The following BMPR1B variants were observed in gnomAD, a reference collection of about 807,000 sequenced individuals.
BMPR1B encodes bone morphogenetic protein receptor type 1B, also known as bone morphogenetic protein receptor type-1B.
Under a neutral mutation model 59.1 loss-of-function variants are expected in BMPR1B, and 12 were observed. The ratio of observed to expected loss-of-function variants is 0.20; its 90% CI spans 0.13 to 0.33. The LOEUF (loss-of-function observed/expected upper bound fraction) is 0.33. BMPR1B is among the 10% of genes least tolerant of loss of function. The pLI, the probability that BMPR1B is intolerant of heterozygous loss-of-function variation, is 1.00. For missense variants in BMPR1B, 550 were observed against 610.9 expected (o/e 0.90, Z 1.05); for synonymous variants, 237 against 207.3 (o/e 1.14, Z -1.23).
At chr4:95,016,742 C>G (rs997445516) in intron 3 of BMPR1B, among the ~76,000 whole-genome samples, 7 of 151,996 alleles carry the variant, frequency 4.6e-5, no homozygotes, top group Non-Finnish European at 8.8e-5. Context: ...GACCATATGT[C>G]AAGATATTTA....
At chr4:94,785,664 A>G (rs1224226702) in intron 1 of BMPR1B, among the ~76,000 whole-genome samples, 4 of 152,184 alleles carry the variant, frequency 2.6e-5, no homozygotes, top group African/African-American at 4.8e-5. Context: ...AATTTCTTTA[A>G]GGGAGATCTC....
At chr4:94,973,554 C>A (rs376366424) in intron 2 of BMPR1B, among the ~76,000 whole-genome samples, 22 of 152,258 alleles carry the variant, frequency 1.4e-4, no homozygotes, top group Admixed American at 3.9e-4. Flanking sequence ...TACCATAGTC[C>A]TATCTACTGG....
At chr4:95,063,067 A>G (rs1396852570) in intron 3 of BMPR1B, among the ~76,000 whole-genome samples, 2 of 152,148 alleles carry the variant, frequency 1.3e-5, no homozygotes, top group African/African-American at 2.4e-5. Context: ...AGAATGGTTT[A>G]CTTTTTAGTC....
intron 1 of BMPR1B, among the ~76,000 whole-genome samples, chr4:94,852,749 ATAAAG>A (rs946704644): frequency 1.5e-4 from 23 of 152,250 alleles, no homozygotes; most frequent in Non-Finnish European, 2.8e-4. Context: ...TAGACTATAT[ATAAAG>A]TAATTTTATA....
At chr4:95,057,805 G>A (rs565804077) in intron 3 of BMPR1B, among the ~76,000 whole-genome samples, 1 of 152,056 alleles carries the variant, frequency 6.6e-6, no homozygotes, top group East Asian at 1.9e-4. Context: ...ATATTGGCTA[G>A]CAAATGAGTT....
At chr4:94,897,925 C>A (rs1381018029) in intron 2 of BMPR1B, among the ~76,000 whole-genome samples, 1 of 146,514 alleles carries the variant, frequency 6.8e-6, no homozygotes, top group Non-Finnish European at 1.5e-5. Flanking sequence ...TTGATAATTA[C>A]TGACAAATTC....
At chr4:95,040,618 C>T (rs932158132) in intron 3 of BMPR1B, among the ~76,000 whole-genome samples, 1 of 152,142 alleles carries the variant, frequency 6.6e-6, no homozygotes, top group African/African-American at 2.4e-5. Flanking sequence ...GAGCTTCTGG[C>T]AAGTCAGGTT....
intron 6 of BMPR1B, among the ~76,000 whole-genome samples, chr4:95,121,578 T>C (rs936571413): frequency 1.3e-5 from 2 of 152,144 alleles, no homozygotes; most frequent in Non-Finnish European, 2.9e-5. Context: ...TGAATGCAAA[T>C]GTATGTATGC....
intron 6 of BMPR1B, among the ~76,000 whole-genome samples, chr4:95,123,081 C>A (rs1414749567): frequency 6.6e-6 from 1 of 152,032 alleles, no homozygotes; most frequent in African/African-American, 2.4e-5. Context: ...AGTGAATATA[C>A]ATTGTATAAA....
intron 3 of BMPR1B, among the ~76,000 whole-genome samples, chr4:95,056,066 CA>C (rs1345905856): frequency 1.3e-5 from 2 of 152,130 alleles, no homozygotes; most frequent in Non-Finnish European, 2.9e-5. Flanking sequence ...AGAATTTGAA[CA>C]AATCCTCAAA....
At chr4:94,947,469 ACG>A (rs1283515232) in intron 2 of BMPR1B, among the ~76,000 whole-genome samples, 1 of 152,178 alleles carries the variant, frequency 6.6e-6, no homozygotes, top group African/African-American at 2.4e-5. Flanking sequence ...CCAGATGCCC[ACG>A]CCTTTGAGCT....
At chr4:94,814,683 A>G (rs1418213642) in intron 1 of BMPR1B, among the ~76,000 whole-genome samples, 3 of 152,212 alleles carry the variant, frequency 2.0e-5, no homozygotes, top group Non-Finnish European at 2.9e-5. Context: ...TAGCTAATGC[A>G]TAAATGTTGG....
intron 1 of BMPR1B, among the ~76,000 whole-genome samples, chr4:94,781,814 A>G (rs1249306718): frequency 6.6e-6 from 1 of 152,108 alleles, no homozygotes; most frequent in African/African-American, 2.4e-5. Flanking sequence ...CACTTTGAAC[A>G]TTATTTTCCT....
intron 2 of BMPR1B, among the ~76,000 whole-genome samples, chr4:94,916,959 T>C (rs749892368): frequency 1.3e-5 from 2 of 152,222 alleles, no homozygotes; most frequent in East Asian, 1.9e-4. Flanking sequence ...TCCTGGCTGA[T>C]CTGGCAGCCA....
At chr4:94,826,236 G>A (rs939178322) in intron 1 of BMPR1B, among the ~76,000 whole-genome samples, 12 of 152,150 alleles carry the variant, frequency 7.9e-5, no homozygotes, top group Non-Finnish European at 1.6e-4. Flanking sequence ...TTGAGCCTTC[G>A]GCTGTGGTCT....
chr4:95,016,330 T>C (rs1723586807), intron 3 of BMPR1B, among the ~76,000 whole-genome samples: 1 of 152,196 alleles, frequency 6.6e-6, no homozygotes, highest in Admixed American at 6.5e-5. Flanking sequence ...TGGGCTGATA[T>C]TTTTCAAATG....
chr4:95,093,712 A>G (rs1730165519), intron 3 of BMPR1B, among the ~76,000 whole-genome samples: 1 of 152,094 alleles, frequency 6.6e-6, no homozygotes, highest in Admixed American at 6.6e-5. Flanking sequence ...ATGATTATCC[A>G]TCATAACCCG....
At chr4:95,129,438 C>T (rs1733146191) in intron 8 of BMPR1B, among the ~76,000 whole-genome samples, 1 of 150,982 alleles carries the variant, frequency 6.6e-6, no homozygotes, top group African/African-American at 2.4e-5. Flanking sequence ...TCCTTTATTT[C>T]TGTATGTGCC....
chr4:95,012,186 G>A (rs12500473), intron 3 of BMPR1B, among the ~76,000 whole-genome samples: 64,537 of 152,078 alleles, frequency 0.42, 14,279 homozygotes, highest in East Asian at 0.71. Context: ...TAAATACAAT[G>A]TGCAGATTCC....
Sources: gnomAD v4.1 joint callset for allele counts (sites outside exome capture counted in the v4.1 genomes callset) on GRCh38, gnomAD v4.1.1 for gene constraint, MANE v1.5 for transcripts, NCBI Gene and HGNC (gene_info 2026-07-23, HGNC 2026-07-21) for gene names.